The following SPPL3 variants were observed in gnomAD, a reference collection of about 807,000 sequenced individuals.
SPPL3 encodes signal peptide peptidase-like 3.
SPPL3 carries 5 observed loss-of-function variants against 42.4 expected under a neutral mutation model. That is an observed-to-expected ratio of 0.12 (90% confidence interval 0.06 to 0.25). The LOEUF (loss-of-function observed/expected upper bound fraction) is 0.25, where lower values mean the gene tolerates loss of function less well. Among genes scored for constraint, SPPL3 ranks in the 10% least tolerant of loss-of-function variants. The pLI is 1.00. For synonymous variants in SPPL3, 195 were observed against 181.8 expected (o/e 1.07, Z -0.58); for missense variants, 235 against 489.0 (o/e 0.48, Z 4.90).
intron 2 of SPPL3, among the ~76,000 whole-genome samples, chr12:120,800,303 G>C (rs1395441723): frequency 6.6e-6 from 1 of 152,124 alleles, no homozygotes; most frequent in African/African-American, 2.4e-5. Context: ...AGAAGTTCGA[G>C]ACCAGCCTGG....
In SPPL3 at chr12:120,869,005, T is replaced by C. The variant is rs765620231; in HGVS notation, c.23+34840A>G. 2.0e-4 allele frequency among the ~76,000 whole-genome samples: 31 copies of C among 152,190 alleles called. 1 individual carries two copies. Among genetic ancestry groups the C allele is most frequent in the Non-Finnish European group, 2.6e-4 (18 of 68,040 alleles). On this transcript the variant is annotated intron_variant, in intron 1 of 10. Coordinates refer to ENST00000353487, the MANE Select transcript of SPPL3 (RefSeq NM_139015.5). The stretch of plus-strand genomic sequence containing the variant: ...GTCTCTTCATTATATTGAAATTATA[T>C]TAATAGTCTACATAACTTAAAAAAT...
chr12:120,904,112 G>A lies in SPPL3; in HGVS notation c.-245C>T. On this transcript the variant is annotated 5_prime_UTR_variant, in exon 1 of 11. Transcript: ENST00000353487. ...CTCTCGGCCTCCCTCACCCGCGGCG[G>A]CGGCGGCGGCTCCGCTGCAGCTCCA... The A allele has an allele frequency of 3.2e-6, 1 of 307,828 alleles. No homozygotes were observed. The highest frequency in any genetic ancestry group is 5.9e-6 in the Non-Finnish European group (1 of 169,086). 19.1% of individuals were successfully genotyped at this position (307,828 alleles called of 1,614,324 possible).
chr12:120,891,245 G>T (rs867899234), intron 1 of SPPL3, among the ~76,000 whole-genome samples: 2 of 151,998 alleles, frequency 1.3e-5, no homozygotes, highest in South Asian at 2.1e-4. Flanking sequence ...ATCATCCTTA[G>T]GCCTGTGAGT....
chr12:120,767,743 G>A (rs113004576), intron 8 of SPPL3, 150 bp from the exon 9 acceptor site: 2 of 859,092 alleles, frequency 2.3e-6, no homozygotes, highest in Non-Finnish European at 3.5e-6. Flanking sequence ...AGTTTTAAGA[G>A]TGTAGAGAGA....
chr12:120,881,800 CAA>C (rs35054814), intron 1 of SPPL3, among the ~76,000 whole-genome samples: 1 of 144,310 alleles, frequency 6.9e-6, no homozygotes, highest in Non-Finnish European at 1.5e-5. Context: ...AAGCCAATAA[CAA>C]AAAAAAAAAG....
At chr12:120,860,521 G>T (rs1265769267) in intron 1 of SPPL3, among the ~76,000 whole-genome samples, 1 of 152,270 alleles carries the variant, frequency 6.6e-6, no homozygotes, top group East Asian at 1.9e-4. Context: ...CCATGTCAAG[G>T]TAAGTGCAAA....
Position 120,861,205 on chromosome 12 carries a change from GC to G in SPPL3, c.23+42639del, listed in dbSNP as rs1176762953. On this transcript the variant is annotated intron_variant, in intron 1 of 10. Coordinates refer to ENST00000353487, the MANE Select transcript of SPPL3 (RefSeq NM_139015.5). ...GGCCAACTGTTCTCAAATCAACTCTGCCATTCTAGCATGAAAGCAGCCATAG... is the reference window on the plus strand; with the variant it reads ...GGCCAACTGTTCTCAAATCAACTCTGCATTCTAGCATGAAAGCAGCCATAG... Among the ~76,000 whole-genome samples, 3 of 152,202 alleles carry G rather than the reference GC, an allele frequency of 2.0e-5. No homozygotes were observed. In the East Asian group the frequency reaches 5.8e-4, roughly 29 times the overall value.
intron 3 of SPPL3, 64 bp downstream of exon 3, chr12:120,791,405 G>T (rs532656284): frequency 1.8e-6 from 2 of 1,104,716 alleles, no homozygotes; most frequent in South Asian, 2.9e-5. Flanking sequence ...TTAACTGGAG[G>T]TATAGAAACA....
At chr12:120,898,365 A>G (rs11065321) in intron 1 of SPPL3, among the ~76,000 whole-genome samples, 27,428 of 141,760 alleles carry the variant, frequency 0.19, 4,249 homozygotes, top group East Asian at 0.42. Context: ...CCACCTATTT[A>G]TATCTATTAA....
Position 120,771,386 on chromosome 12 carries a change from G to A in SPPL3, c.503-2327C>T, listed in dbSNP as rs144736893. On this transcript the variant is annotated intron_variant, in intron 6 of 10. Coordinates refer to ENST00000353487, the MANE Select transcript of SPPL3 (RefSeq NM_139015.5). ...TCTGCATTTACTGTGCCCTCTGCCT[G>A]AACGATCTCCTCCCAGAACCCAACT... 3.1e-3 allele frequency among the ~76,000 whole-genome samples: 465 copies of A among 152,254 alleles called. 4 individuals are homozygous for A. Among genetic ancestry groups the A allele is most frequent in the African/African-American group, 9.8e-3 (407 of 41,552 alleles).
At chr12:120,768,048 G>A (rs576834501) in intron 8 of SPPL3, among the ~76,000 whole-genome samples, 3 of 152,262 alleles carry the variant, frequency 2.0e-5, no homozygotes, top group Non-Finnish European at 2.9e-5. Flanking sequence ...TAAAAGGATC[G>A]AGATTCTCCT....
chr12:120,771,322 C>T (rs559960425), intron 6 of SPPL3, among the ~76,000 whole-genome samples: 60 of 152,362 alleles, frequency 3.9e-4, no homozygotes, highest in Admixed American at 3.7e-3. Flanking sequence ...TCACTCTACC[C>T]CCCATGCCGC....
chr12:120,772,893 G>A (rs889797228), intron 6 of SPPL3, among the ~76,000 whole-genome samples: 5 of 152,208 alleles, frequency 3.3e-5, no homozygotes, highest in African/African-American at 1.2e-4. Flanking sequence ...GAGCTGCAGT[G>A]TGAGTTCTGG....
Position 120,903,896 on chromosome 12 carries a change from G to A in SPPL3, c.-29C>T. 2 of 1,369,052 alleles carry A rather than the reference G, an allele frequency of 1.5e-6. No individual in the cohort carries two copies. Among genetic ancestry groups the A allele is most frequent in the Non-Finnish European group, 1.9e-6 (2 of 1,062,278 alleles). The allele number at this position is 1,369,052 out of a possible 1,614,324, so 84.8% of individuals were successfully genotyped here. A position where few individuals can be genotyped will look rare whatever the true frequency, so the allele number is the denominator to read the frequency against. ...GCTGCCTCTCGTGGGCTCCGCTGCA[G>A]GCTGTGGCCGGGCCCGGCGGCGGCG... On this transcript the variant is annotated 5_prime_UTR_variant, in exon 1 of 11. Coordinates refer to ENST00000353487, the MANE Select transcript of SPPL3 (RefSeq NM_139015.5).
At position 120,904,042 on chromosome 12, in the gene SPPL3, C is replaced by T. The variant is rs1874076573; in HGVS notation, c.-175G>A. 2.4e-6 allele frequency: 1 copy of T among 419,134 alleles called. No homozygotes were observed. The highest frequency in any genetic ancestry group is 3.9e-6 in the Non-Finnish European group (1 of 259,574). 26.0% of individuals were successfully genotyped at this position (419,134 alleles called of 1,614,324 possible). A position where few individuals can be genotyped will look rare whatever the true frequency, so the allele number is the denominator to read the frequency against. ...GCGGCTGGCGGGGAGAGGCCGGGCT[C>T]CGAAGCGGCCCCGCTCCCTGGGCCC... On this transcript the variant is annotated 5_prime_UTR_variant, in exon 1 of 11. Coordinates refer to ENST00000353487, the MANE Select transcript of SPPL3 (RefSeq NM_139015.5).
At chr12:120,864,810 C>G (rs1006198506) in intron 1 of SPPL3, among the ~76,000 whole-genome samples, 1 of 152,118 alleles carries the variant, frequency 6.6e-6, no homozygotes, top group African/African-American at 2.4e-5. Flanking sequence ...CATTACATCA[C>G]ACAAAGCATT....
chr12:120,873,026 C>A (rs528680323), intron 1 of SPPL3, among the ~76,000 whole-genome samples: 38 of 152,156 alleles, frequency 2.5e-4, no homozygotes, highest in African/African-American at 8.2e-4. Context: ...AATAAATCTA[C>A]AAATGATAGA....
chr12:120,886,415 TC>T (rs1254658062), intron 1 of SPPL3, among the ~76,000 whole-genome samples: 27 of 152,294 alleles, frequency 1.8e-4, no homozygotes, highest in Admixed American at 1.3e-4. Context: ...CCTTACTCTG[TC>T]TAACCAAGTG....
intron 2 of SPPL3, among the ~76,000 whole-genome samples, chr12:120,798,033 C>T (rs183093387): frequency 6.6e-6 from 1 of 152,178 alleles, no homozygotes; most frequent in East Asian, 1.9e-4. Flanking sequence ...TACATGTCAC[C>T]CTGTTCTCAT....
Sources: allele counts gnomAD v4.1 joint callset (sites outside exome capture counted in the v4.1 genomes callset), GRCh38; gene constraint gnomAD v4.1.1; transcripts MANE v1.5; gene names NCBI Gene and HGNC (gene_info 2026-07-23, HGNC 2026-07-21).